Variants in ITGA5 observed in about 807,000 individuals in gnomAD.
The protein encoded by ITGA5 is integrin alpha-5.
ITGA5 carries 55 observed loss-of-function variants against 146.3 expected under a neutral mutation model. That is an observed-to-expected ratio of 0.38 (90% CI 0.30 to 0.47). ITGA5 has a LOEUF of 0.47. Among genes scored for constraint, ITGA5 ranks in the 20% least tolerant of loss-of-function variants. ITGA5 has a pLI of 0.99. For synonymous variants in ITGA5, 500 were observed against 531.8 expected, an observed-to-expected ratio of 0.94 and a Z score of 0.82; for missense variants, 1,131 against 1,329.0, an observed-to-expected ratio of 0.85 and a Z score of 2.32.
Position 54,401,504 on chromosome 12 carries a change from G to A in ITGA5, c.2388-26C>T, listed in dbSNP as rs905543924. The A allele has an allele frequency of 6.2e-7, 1 of 1,607,056 alleles. No individual in the cohort carries two copies. The highest frequency in any genetic ancestry group is 8.5e-7 in the Non-Finnish European group (1 of 1,173,760). ...CTAAGGAGGAGGGTGGTTTAGAGGA[G>A]GGTGGAAGGAACCCCATATGCATCC... On this transcript the variant is annotated intron_variant, in intron 23 of 29. Coordinates refer to ENST00000293379, the MANE Select transcript of ITGA5 (RefSeq NM_002205.5). This position sits in a 1 kb window ranked among gnomAD's most constrained non-coding sequence, Gnocchi z 5.0.
intron 1 of ITGA5, among the ~76,000 whole-genome samples, chr12:54,415,867 C>T (rs1245825603): frequency 6.6e-6 from 1 of 152,060 alleles, no homozygotes; most frequent in Non-Finnish European, 1.5e-5. Context: ...GTGGCAGTTG[C>T]AGAAGGGAAC....
chr12:54,402,113 TG>T lies in ITGA5; in HGVS notation c.2134-21del, dbSNP rs765142801. ...GAAGTTCTGGAGATGGGGTGGGCAC[TG>T]GTCAGGTTTTGGTGTCCCCTCTAGA... is the stretch of plus-strand genomic sequence containing the variant. On this transcript the variant is annotated intron_variant, in intron 20 of 29. Transcript: ENST00000293379. 6.2e-7 allele frequency: 1 copy of T among 1,613,980 alleles called. No homozygotes were observed. The highest frequency in any genetic ancestry group is 1.3e-5 in the African/African-American group (1 of 75,022).
Position 54,419,247 on chromosome 12 carries a change from TA to T in ITGA5, c.-50del, listed in dbSNP as rs1408761902. On this transcript the variant is annotated 5_prime_UTR_variant, in exon 1 of 30. Coordinates refer to ENST00000293379, the MANE Select transcript of ITGA5 (RefSeq NM_002205.5). ...GGGCCACCGACCCGGAGCCGCTTCC[TA>T]AACCTCCCAGAGGCGAATGACTCAA... The T allele has an allele frequency of 1.9e-6, 3 of 1,540,764 alleles. No individual in the cohort carries two copies. In the African/African-American group the frequency reaches 4.1e-5, roughly 21 times the overall value.
Position 54,408,816 on chromosome 12 carries a change from A to AGG in ITGA5, c.646-17_646-16dup, listed in dbSNP as rs746738984. On this transcript the variant is annotated splice_polypyrimidine_tract_variant and intron_variant, in intron 5 of 29. Coordinates refer to ENST00000293379, the MANE Select transcript of ITGA5 (RefSeq NM_002205.5). Reference sequence around the variant, plus strand: ...ACACGGCCAGTCTGTGGGTGAAAGGAGGGGAGTCCAACATCTGGTCCCAAT... The same window carrying AGG: ...ACACGGCCAGTCTGTGGGTGAAAGGAGGGGGGAGTCCAACATCTGGTCCCAAT... 5.0e-6 allele frequency: 8 copies of AGG among 1,612,912 alleles called. No homozygotes were observed. The South Asian group carries it at 8.8e-5, about 18-fold the overall frequency.
Position 54,409,807 on chromosome 12 carries a change from CAT to C in ITGA5, c.350-212_350-211del. On this transcript the variant is annotated intron_variant, in intron 2 of 29. Transcript: ENST00000293379. This position sits in a 1 kb window ranked among gnomAD's most constrained non-coding sequence, Gnocchi z 4.7. ...CTTATCTCTCCACTACACACATACA[CAT>C]ACACACACACACATACATACACACG... 1 of 548,680 alleles carries C rather than the reference CAT, an allele frequency of 1.8e-6. No homozygotes were observed. The highest frequency in any genetic ancestry group is 3.1e-5 in the East Asian group (1 of 32,310). 34.0% of individuals were successfully genotyped at this position (548,680 alleles called of 1,614,324 possible).
At chr12:54,413,411 G>A (rs1337084911) in intron 1 of ITGA5, 2 of 152,348 alleles carry the variant, frequency 1.3e-5, no homozygotes. Flanking sequence ...GCTGAAGAGG[G>A]AGAGCTCCTG....
At chr12:54,418,876 C>T (rs1454325510) in intron 1 of ITGA5, 105 bp downstream of exon 1, 1 of 1,344,452 alleles carries the variant, frequency 7.4e-7, no homozygotes, top group Non-Finnish European at 1.0e-6. Flanking sequence ...TCCTTACAAA[C>T]TCCACCCTCA....
chr12:54,405,873 T>C lies in ITGA5; in HGVS notation c.960A>G (p.Glu320=). ...DIRSLYNFSG[E]QMASYFGYAV... ...TGGGGTTGAGGGGTATCCTTACCTG[T>C]TCCCCTGAGAAGTTGTAGAGGGATC... Residue 320 remains glutamate, a synonymous_variant, in exon 10 of 30, where the codon GAA becomes GAG. Coordinates refer to ENST00000293379, the MANE Select transcript of ITGA5 (RefSeq NM_002205.5). The C allele has an allele frequency of 6.2e-7, 1 of 1,613,870 alleles. No homozygotes were observed. Among genetic ancestry groups the C allele is most frequent in the Non-Finnish European group, 8.5e-7 (1 of 1,179,794 alleles).
chr12:54,409,371 AGG>A lies in ITGA5; in HGVS notation c.463-21_463-20del. On this transcript the variant is annotated intron_variant, in intron 3 of 29. Coordinates refer to ENST00000293379, the MANE Select transcript of ITGA5 (RefSeq NM_002205.5). This position sits in a 1 kb window ranked among gnomAD's most constrained non-coding sequence, Gnocchi z 4.7. ...CGCATGCCTGGGAGGGCCCAGGAGG[AGG>A]GGCCTTCAGATTCAGTCCAATAAGG... 2 of 1,610,064 alleles carry A rather than the reference AGG, an allele frequency of 1.2e-6. No individual in the cohort carries two copies. Among genetic ancestry groups the A allele is most frequent in the South Asian group, 2.2e-5 (2 of 90,692 alleles).
At chr12:54,411,525 T>C (rs996404711) in intron 2 of ITGA5, among the ~76,000 whole-genome samples, 1 of 152,234 alleles carries the variant, frequency 6.6e-6, no homozygotes, top group Non-Finnish European at 1.5e-5. Flanking sequence ...AGGAACTGAA[T>C]AGTTTGTGCA....
chr12:54,401,432 G>A lies in ITGA5; in HGVS notation c.2434C>T (p.Pro812Ser). ...TCCTCCTTCTGAGGCTGGTCTCGGG[G>A]ATGCCAGTCGCTTACTGGGAATAGC... is the stretch of plus-strand genomic sequence containing the variant. ...AVLFPVSDWHPRDQPQKEEDL... is the reference protein window; with the variant it reads ...AVLFPVSDWHSRDQPQKEEDL... The change falls in exon 24 of 30, where the codon CCC (proline) becomes TCC (serine). Residue 812 changes from proline (P) to serine (S), a missense_variant. This residue lies in a region of ITGA5 where 889 missense variants were observed against 1,021.5 expected (regional missense o/e 0.87). Transcript: ENST00000293379. The surrounding 1 kb of genome is among the most constrained non-coding windows in gnomAD (Gnocchi z 5.0). The A allele has an allele frequency of 1.2e-6, 2 of 1,614,138 alleles. No homozygotes were observed. Among genetic ancestry groups the A allele is most frequent in the Non-Finnish European group, 1.7e-6 (2 of 1,180,016 alleles).
At chr12:54,405,612 T>TTCCCC in intron 11 of ITGA5, 52 bp downstream of exon 11, 1 of 1,482,768 alleles carries the variant, frequency 6.7e-7, no homozygotes. Context: ...TTCCCACTCT[T>TTCCCC]CCCTCTTGGT....
chr12:54,400,905 T>C lies in ITGA5; in HGVS notation c.2584A>G (p.Thr862Ala). The C allele has an allele frequency of 6.2e-7, 1 of 1,614,038 alleles. No individual in the cohort carries two copies. Among genetic ancestry groups the C allele is most frequent in the Non-Finnish European group, 8.5e-7 (1 of 1,179,986 alleles). The change falls in exon 25 of 30, where the codon ACC becomes GCC. Residue 862 changes from threonine (T) to alanine (A), a missense_variant. By Grantham distance (58) the Thr-to-Ala change is moderately conservative. Around this residue, in one of 3 missense-constraint regions of ITGA5, gnomAD observed 889 missense variants for 1,021.5 expected, o/e 0.87. Transcript: ENST00000293379. ...GTGCAGTTGAGTCCCGTAACTCTGG[T>C]CACATATAGGAGCTGCTGACCTTCC... ...ALEGQQLLYV[T>A]RVTGLNCTTN...
intron 27 of ITGA5, 84 bp from the exon 28 acceptor site, chr12:54,398,782 G>T: frequency 4.4e-6 from 3 of 686,352 alleles, no homozygotes; most frequent in South Asian, 2.0e-5. Context: ...CTGGGGTTGT[G>T]ATCTTTCCCT....
At position 54,401,295 on chromosome 12, in the gene ITGA5, TG is replaced by T; in HGVS notation, c.2493+77del. On this transcript the variant is annotated intron_variant, in intron 24 of 29. Transcript: ENST00000293379. This position sits in a 1 kb window ranked among gnomAD's most constrained non-coding sequence, Gnocchi z 5.0. ...CCTCTCTTTCTCTCAGTCCCTCACATGGGTTCCAGCCATCTGTCACTCATAT... is the reference window on the plus strand; with the variant it reads ...CCTCTCTTTCTCTCAGTCCCTCACATGGTTCCAGCCATCTGTCACTCATAT... 9.3e-7 allele frequency: 1 copy of T among 1,076,776 alleles called. No homozygotes were observed. Among genetic ancestry groups the T allele is most frequent in the Non-Finnish European group, 1.4e-6 (1 of 694,192 alleles). 66.7% of individuals were successfully genotyped at this position (1,076,776 alleles called of 1,614,324 possible).
At chr12:54,417,528 C>T (rs1007039306) in intron 1 of ITGA5, among the ~76,000 whole-genome samples, 6 of 151,704 alleles carry the variant, frequency 4.0e-5, no homozygotes, top group Admixed American at 2.0e-4. Flanking sequence ...GAACAACAGT[C>T]GGGGCCTAAT....
chr12:54,397,399 A>G lies in ITGA5; in HGVS notation c.3032T>C (p.Leu1011Pro). ...GATGTAGATGAGTAGACCTAGGAGC[A>G]GGAGGCCAAACAGGATGGCTAGGAT... is the stretch of plus-strand genomic sequence containing the variant. ...IIILAILFGL[L>P]LLGLLIYILY... Residue 1011 changes from leucine (L) to proline (P), a missense_variant, in exon 29 of 30, where the codon CTG becomes CCG. Leu to Pro is a moderately conservative substitution (Grantham distance 98, BLOSUM62 -3). This residue lies in a region of ITGA5 where 889 missense variants were observed against 1,021.5 expected (regional missense o/e 0.87). Transcript: ENST00000293379. 1 of 1,614,126 alleles carries G rather than the reference A, an allele frequency of 6.2e-7. No individual in the cohort carries two copies. Among genetic ancestry groups the G allele is most frequent in the Non-Finnish European group, 8.5e-7 (1 of 1,179,996 alleles).
chr12:54,403,184 C>T lies in ITGA5; in HGVS notation c.1914+3G>A. On this transcript the variant is annotated splice_donor_region_variant and intron_variant, in intron 18 of 29. Coordinates refer to ENST00000293379, the MANE Select transcript of ITGA5 (RefSeq NM_002205.5). This position sits in a 1 kb window ranked among gnomAD's most constrained non-coding sequence, Gnocchi z 4.9. ...AGGTCCCTTCTCCCTGCCCTGTCCT[C>T]ACCTTGTCCTCTATCCGGCTCTTGC... 1 of 1,564,202 alleles carries T rather than the reference C, an allele frequency of 6.4e-7. No homozygotes were observed. The highest frequency in any genetic ancestry group is 1.2e-5 in the South Asian group (1 of 82,894).
chr12:54,399,813 C>A, intron 26 of ITGA5, 51 bp downstream of exon 26: 4 of 1,605,250 alleles, frequency 2.5e-6, no homozygotes, highest in Non-Finnish European at 3.4e-6. Context: ...GCCCTGAGAA[C>A]CCCAGAGTAC....
Sources: gnomAD v4.1 joint callset for allele counts (sites outside exome capture counted in the v4.1 genomes callset) on GRCh38, gnomAD v4.1.1 for gene constraint, gnomAD v4.1.1 regional missense constraint, Gnocchi (gnomAD v3.1) non-coding constraint, MANE v1.5 for transcripts, NCBI Gene and HGNC (gene_info 2026-07-23, HGNC 2026-07-21) for gene names.